Variants in ERC2 observed in about 807,000 individuals in gnomAD.
The protein encoded by ERC2 is ERC protein 2.
Under a neutral mutation model 114.8 loss-of-function variants are expected in ERC2, and 42 were observed. The observed-to-expected ratio is 0.37, with a 90% CI of 0.29 to 0.47. The LOEUF (loss-of-function observed/expected upper bound fraction) is 0.47. Among genes scored for constraint, ERC2 ranks in the 20% least tolerant of loss-of-function variants. The pLI is 0.99. For missense variants in ERC2, 939 were observed against 1,150.7 expected (o/e 0.82, Z 2.66); for synonymous variants, 454 against 425.5 (o/e 1.07, Z -0.82).
intron 10 of ERC2, among the ~76,000 whole-genome samples, chr3:56,001,478 C>T (rs2072051915): frequency 1.3e-5 from 2 of 151,844 alleles, no homozygotes; most frequent in Non-Finnish European, 2.9e-5. Context: ...GCTATATTCC[C>T]GGGATGCCAA....
At chr3:55,566,453 C>T (rs914968697) in intron 17 of ERC2, among the ~76,000 whole-genome samples, 5 of 128,836 alleles carry the variant, frequency 3.9e-5, no homozygotes, top group Non-Finnish European at 8.9e-5. Flanking sequence ...GATGGAGTCT[C>T]GCTCTGTTGC....
intron 11 of ERC2, among the ~76,000 whole-genome samples, chr3:55,988,616 TGTTGCATACAATTGAA>T (rs1343296853): frequency 3.9e-5 from 6 of 152,348 alleles, no homozygotes; most frequent in African/African-American, 1.4e-4. Flanking sequence ...CTGTACCTTT[TGTTGCATACAATTGAA>T]GTTCTGGAAT....
intron 13 of ERC2, among the ~76,000 whole-genome samples, chr3:55,891,478 C>T (rs954457515): frequency 3.3e-5 from 4 of 122,132 alleles, no homozygotes; most frequent in Admixed American, 1.0e-4. Flanking sequence ...GCTGGAGTCT[C>T]GCTCTGTCAC....
At chr3:56,070,824 A>G (rs1336592474) in intron 7 of ERC2, among the ~76,000 whole-genome samples, 3 of 152,222 alleles carry the variant, frequency 2.0e-5, no homozygotes, top group Non-Finnish European at 4.4e-5. Flanking sequence ...GTCCAGCTAT[A>G]TTAAATTACT....
intron 7 of ERC2, among the ~76,000 whole-genome samples, chr3:56,055,389 C>A (rs1211934844): frequency 6.6e-6 from 1 of 152,146 alleles, no homozygotes; most frequent in Non-Finnish European, 1.5e-5. Context: ...TCCTCCCTTC[C>A]AAGGAGTGAT....
At chr3:56,001,693 A>G (rs909892927) in intron 10 of ERC2, among the ~76,000 whole-genome samples, 1 of 152,152 alleles carries the variant, frequency 6.6e-6, no homozygotes, top group African/African-American at 2.4e-5. Context: ...GGTCCTACCT[A>G]TCCTGACAGG....
intron 2 of ERC2, among the ~76,000 whole-genome samples, chr3:56,300,007 A>G (rs1454730152): frequency 6.6e-6 from 1 of 152,188 alleles, no homozygotes; most frequent in East Asian, 1.9e-4. Flanking sequence ...GAATGGACAC[A>G]TTCCTTATTG....
At chr3:56,017,128 G>A (rs1402242226) in intron 8 of ERC2, among the ~76,000 whole-genome samples, 1 of 152,132 alleles carries the variant, frequency 6.6e-6, no homozygotes, top group African/African-American at 2.4e-5. Context: ...CCTAAAAACT[G>A]CGCCAGCACT....
intron 14 of ERC2, among the ~76,000 whole-genome samples, chr3:55,788,631 G>A (rs1294356501): frequency 6.6e-6 from 1 of 152,140 alleles, no homozygotes; most frequent in Non-Finnish European, 1.5e-5. Flanking sequence ...TCTGCAGCTG[G>A]TTGGTCAGCT....
At chr3:56,398,079 T>G (rs2060380430) in intron 2 of ERC2, among the ~76,000 whole-genome samples, 1 of 152,208 alleles carries the variant, frequency 6.6e-6, no homozygotes, top group Admixed American at 6.5e-5. Context: ...CAGACAGCTA[T>G]GTGCCCACCA....
chr3:56,252,435 A>G (rs1221799465), intron 3 of ERC2, among the ~76,000 whole-genome samples: 1 of 152,160 alleles, frequency 6.6e-6, no homozygotes, highest in African/African-American at 2.4e-5. Flanking sequence ...AAACCAAAGT[A>G]TTACGCATAA....
intron 17 of ERC2, among the ~76,000 whole-genome samples, chr3:55,617,733 G>A (rs532196459): frequency 1.3e-5 from 2 of 152,208 alleles, no homozygotes; most frequent in African/African-American, 4.8e-5. Flanking sequence ...AGGATAAAAG[G>A]GCCCAGAATG....
intron 17 of ERC2, among the ~76,000 whole-genome samples, chr3:55,631,960 C>G (rs992900955): frequency 6.6e-6 from 1 of 152,204 alleles, no homozygotes; most frequent in Admixed American, 6.5e-5. Flanking sequence ...GGAACATATG[C>G]AGAAACTGAT....
intron 7 of ERC2, among the ~76,000 whole-genome samples, chr3:56,028,214 GCTTAATATTAGTAGAGTGAATCTTTTAAC>G (rs1348588209): frequency 6.6e-6 from 1 of 152,010 alleles, no homozygotes. Flanking sequence ...ATATAGTAAG[GCTTAATATTAGTAGAGTGAATCTTTTAAC>G]CTTATTCTTT....
chr3:55,860,216 A>C (rs1389199170), intron 14 of ERC2, among the ~76,000 whole-genome samples: 1 of 152,162 alleles, frequency 6.6e-6, no homozygotes, highest in Non-Finnish European at 1.5e-5. Context: ...TTTAAGCCAA[A>C]TTTACTTGAA....
At chr3:56,003,428 G>A (rs1437032028) in intron 10 of ERC2, among the ~76,000 whole-genome samples, 2 of 152,116 alleles carry the variant, frequency 1.3e-5, no homozygotes, top group African/African-American at 4.8e-5. Context: ...GTCCACTTTT[G>A]ATGATACATG....
intron 14 of ERC2, among the ~76,000 whole-genome samples, chr3:55,759,850 CAT>C (rs1223462210): frequency 2.6e-5 from 4 of 152,302 alleles, no homozygotes; most frequent in Middle Eastern, 3.4e-3. Context: ...TTTTTACACA[CAT>C]GAGTAATTAA....
chr3:55,926,596 G>A (rs753152298), intron 13 of ERC2, among the ~76,000 whole-genome samples: 10 of 152,062 alleles, frequency 6.6e-5, no homozygotes, highest in Non-Finnish European at 1.3e-4. Flanking sequence ...AGTAAGATCC[G>A]GGTTTGAATC....
At chr3:56,025,875 T>C (rs1425373031) in intron 7 of ERC2, among the ~76,000 whole-genome samples, 2 of 152,122 alleles carry the variant, frequency 1.3e-5, no homozygotes, top group Admixed American at 1.3e-4. Flanking sequence ...TGTTGGTCCT[T>C]TAGATCTCTT....
Sources: allele counts gnomAD v4.1 joint callset (sites outside exome capture counted in the v4.1 genomes callset), GRCh38; gene constraint gnomAD v4.1.1; transcripts MANE v1.5; gene names NCBI Gene and HGNC (gene_info 2026-07-23, HGNC 2026-07-21).